ICAM5: variants seen among roughly 807,000 people sequenced by gnomAD.
ICAM5 encodes the protein ICAM-5.
Under a neutral mutation model 78.8 loss-of-function variants are expected in ICAM5, and 38 were observed. That is an observed-to-expected ratio of 0.48 (90% CI 0.37 to 0.63). ICAM5 has a LOEUF of 0.63. Ranked by LOEUF, ICAM5 falls within the 30% of genes least tolerant of loss-of-function variation. The probability of loss-of-function intolerance (pLI) is 0.00; values close to 1 mark genes in which losing one functional copy is unlikely to be tolerated. For synonymous variants in ICAM5, 544 were observed against 590.9 expected (o/e 0.92, Z 1.15); for missense variants, 1,059 against 1,303.0 (o/e 0.81, Z 2.88).
Position 10,296,622 on chromosome 19 carries a change from C to T in ICAM5, c.*6C>T. 8.3e-7 allele frequency: 1 copy of T among 1,210,166 alleles called. No individual in the cohort carries two copies. Among genetic ancestry groups the T allele is most frequent in the Non-Finnish European group, 1.0e-6 (1 of 970,338 alleles). 75.0% of individuals were successfully genotyped at this position (1,210,166 alleles called of 1,614,324 possible). A position where few individuals can be genotyped will look rare whatever the true frequency, so the allele number is the denominator to read the frequency against. ...TACAGCTGACATCGGCGTGAGCCCG[C>T]TCCCCTCTCCCCGCGGGCCGGGGGA... On this transcript the variant is annotated 3_prime_UTR_variant, in exon 11 of 11. Coordinates refer to ENST00000221980, the MANE Select transcript of ICAM5 (RefSeq NM_003259.4).
At chr19:10,292,412 G>A (rs1599279224) in intron 4 of ICAM5, 90 bp downstream of exon 4, 4 of 1,438,948 alleles carry the variant, frequency 2.8e-6, no homozygotes, top group Admixed American at 2.1e-5. Flanking sequence ...CTCAGTACCG[G>A]AACAGGCGTG....
chr19:10,292,655 C>G lies in ICAM5; in HGVS notation c.1005C>G (p.Ser335=). The change falls in exon 5 of 11, where the codon TCC becomes TCG. Residue 335 remains serine, a synonymous_variant. Transcript: ENST00000221980. ...PLLTLSEPSV[S]EGQMVTVTCA... is the part of the protein sequence containing the mutation. ...TGACCCTGAGCGAACCCAGCGTCTCCGAGGGGCAGATGGTGACAGTAACCT... is the reference window on the plus strand; with the variant it reads ...TGACCCTGAGCGAACCCAGCGTCTCGGAGGGGCAGATGGTGACAGTAACCT... 1 of 1,600,832 alleles carries G rather than the reference C, an allele frequency of 6.2e-7. No individual in the cohort carries two copies.
chr19:10,294,706 G>A lies in ICAM5; in HGVS notation c.2230+66G>A, dbSNP rs2040206820. 1.9e-6 allele frequency: 3 copies of A among 1,599,430 alleles called. No individual in the cohort carries two copies. The highest frequency in any genetic ancestry group is 1.7e-6 in the Non-Finnish European group (2 of 1,174,048). ...GGAAGAATGACTCGCAGCGGTGGGA[G>A]CATTCAAGGGCACCTCTCCCAATCC... On this transcript the variant is annotated intron_variant, in intron 9 of 10. Coordinates refer to ENST00000221980, the MANE Select transcript of ICAM5 (RefSeq NM_003259.4). This position sits in a 1 kb window ranked among gnomAD's most constrained non-coding sequence, Gnocchi z 7.7.
Position 10,294,127 on chromosome 19 carries a change from G to A in ICAM5, c.1799G>A (p.Gly600Glu), listed in dbSNP as rs1281313767. ...SGRLFSCEVD[G>E]KPQPSVKCVG... ...CGCCTGTTTTCCTGTGAGGTCGATG[G>A]GAAGCCACAGCCAAGCGTGAAGTGC... The change falls in exon 8 of 11, where the codon GGG becomes GAG. Residue 600 changes from glycine (G) to glutamate (E), a missense_variant. Gly to Glu is a moderately conservative substitution (Grantham distance 98, BLOSUM62 -2). Around this residue, in one of 3 missense-constraint regions of ICAM5, gnomAD observed 815 missense variants for 952.8 expected, o/e 0.86. Transcript: ENST00000221980. The surrounding 1 kb of genome is among the most constrained non-coding windows in gnomAD (Gnocchi z 7.7). 6.2e-7 allele frequency: 1 copy of A among 1,604,930 alleles called. No individual in the cohort carries two copies. Among genetic ancestry groups the A allele is most frequent in the Non-Finnish European group, 8.5e-7 (1 of 1,176,712 alleles).
chr19:10,291,031 G>T (rs555553140), intron 1 of ICAM5, 41 bp from the exon 2 acceptor site: 1 of 1,571,886 alleles, frequency 6.4e-7, no homozygotes, highest in African/African-American at 1.3e-5. Flanking sequence ...AAGATGTCAG[G>T]GAGTTGGCTC....
In ICAM5 at chr19:10,290,494, A is replaced by C; in HGVS notation, c.82+369A>C. The C allele has an allele frequency of 4.3e-6, 1 of 230,042 alleles. No individual in the cohort carries two copies. Among genetic ancestry groups the C allele is most frequent in the Non-Finnish European group, 8.5e-6 (1 of 118,072 alleles). The allele number at this position is 230,042 out of a possible 1,614,324, so 14.3% of individuals were successfully genotyped here. On this transcript the variant is annotated intron_variant, in intron 1 of 10. Transcript: ENST00000221980. The surrounding 1 kb of genome is among the most constrained non-coding windows in gnomAD (Gnocchi z 5.7). ...CCGCGAAGACTCCATCTCTCCAACT[A>C]CCCTGACTCAGAGGCGCTGTTCCCG...
At chr19:10,292,572 G>A (rs1343686914) in intron 4 of ICAM5, 40 bp from the exon 5 acceptor site, 3 of 1,523,790 alleles carry the variant, frequency 2.0e-6, no homozygotes, top group African/African-American at 2.8e-5. Context: ...CGGAGGGAGG[G>A]GTATGGTCAG....
Position 10,296,570 on chromosome 19 carries a change from C to CGCCG in ICAM5, c.2732_2735dup (p.Glu913GlyfsTer63). 1.6e-6 allele frequency: 2 copies of CGCCG among 1,219,144 alleles called. No individual in the cohort carries two copies. Among genetic ancestry groups the CGCCG allele is most frequent in the Non-Finnish European group, 1.0e-6 (1 of 972,642 alleles). 75.5% of individuals were successfully genotyped at this position (1,219,144 alleles called of 1,614,324 possible). On this transcript the variant is annotated frameshift_variant, in exon 11 of 11. Coordinates refer to ENST00000221980, the MANE Select transcript of ICAM5 (RefSeq NM_003259.4). LOFTEE classifies it high-confidence loss of function. The stretch of plus-strand genomic sequence containing the variant: ...GAGGCGGCGGGGGGCGCGGCCGAGT[C>CGCCG]GCCGGCGGAGGGCGAGGTCTTCGCC...
chr19:10,290,999 C>A lies in ICAM5; in HGVS notation c.83-73C>A. 2.0e-6 allele frequency: 3 copies of A among 1,500,772 alleles called. No homozygotes were observed. Among genetic ancestry groups the A allele is most frequent in the Non-Finnish European group, 2.7e-6 (3 of 1,117,610 alleles). The allele number at this position is 1,500,772 out of a possible 1,614,324, so 93.0% of individuals were successfully genotyped here. ...TCCTCCTCCCCGCCCTCTGAGAACC[C>A]TTGACTCGACATAGGGGCGCTAAGA... On this transcript the variant is annotated intron_variant, in intron 1 of 10. Coordinates refer to ENST00000221980, the MANE Select transcript of ICAM5 (RefSeq NM_003259.4). This position sits in a 1 kb window ranked among gnomAD's most constrained non-coding sequence, Gnocchi z 5.7.
chr19:10,291,135 G>A lies in ICAM5; in HGVS notation c.146G>A (p.Gly49Asp). ...CGCGTGGCGTTCGTGGAGCGCGGGG[G>A]CTCGCTGTGGCTGAATTGCAGCACC... is the stretch of plus-strand genomic sequence containing the variant. ...QPRVAFVERG[G>D]SLWLNCSTNC... The change falls in exon 2 of 11, where the codon GGC becomes GAC. Residue 49 changes from glycine to aspartate, a missense_variant. Transcript: ENST00000221980. 6.2e-7 allele frequency: 1 copy of A among 1,612,206 alleles called. No homozygotes were observed. The highest frequency in any genetic ancestry group is 8.5e-7 in the Non-Finnish European group (1 of 1,179,736).
At chr19:10,295,732 C>T in intron 10 of ICAM5, 120 bp downstream of exon 10, 2 of 1,199,912 alleles carry the variant, frequency 1.7e-6, no homozygotes, top group Non-Finnish European at 2.3e-6. Context: ...GGAAGTGGGA[C>T]AGAGTAGAAG....
chr19:10,294,236 A>G lies in ICAM5; in HGVS notation c.1908A>G (p.Arg636=). 1 of 1,613,916 alleles carries G rather than the reference A, an allele frequency of 6.2e-7. No individual in the cohort carries two copies. The highest frequency in any genetic ancestry group is 8.5e-7 in the Non-Finnish European group (1 of 1,179,990). ...DPSPRAPRIP[R]VLAPGIYVCN... is the part of the protein sequence containing the mutation. ...GTCCCAGAGCTCCCAGAATCCCTAGAGTCCTGGCACCCGGTATCTACGTCT... is the reference window on the plus strand; with the variant it reads ...GTCCCAGAGCTCCCAGAATCCCTAGGGTCCTGGCACCCGGTATCTACGTCT... The change falls in exon 8 of 11, where the codon AGA becomes AGG. Residue 636 remains arginine (R), a synonymous_variant. Coordinates refer to ENST00000221980, the MANE Select transcript of ICAM5 (RefSeq NM_003259.4). The surrounding 1 kb of genome is among the most constrained non-coding windows in gnomAD (Gnocchi z 7.7).
Position 10,293,029 on chromosome 19 carries a change from C to G in ICAM5, c.1248C>G (p.Pro416=), listed in dbSNP as rs1296969420. 2 of 1,610,910 alleles carry G rather than the reference C, an allele frequency of 1.2e-6. No homozygotes were observed. The highest frequency in any genetic ancestry group is 1.7e-5 in the Admixed American group (1 of 60,008). The part of the protein sequence containing the change: ...YAPRLDDSDC[P]RSWTWPEGPE... The stretch of plus-strand genomic sequence containing the variant: ...CCCGGCTAGACGATTCGGACTGCCC[C>G]AGGAGTTGGACGTGGCCCGAGGGCC... The change falls in exon 6 of 11, where the codon CCC becomes CCG. Residue 416 remains proline (P), a synonymous_variant. Coordinates refer to ENST00000221980, the MANE Select transcript of ICAM5 (RefSeq NM_003259.4). The surrounding 1 kb of genome is among the most constrained non-coding windows in gnomAD (Gnocchi z 5.0).
At position 10,291,613 on chromosome 19, in the gene ICAM5, G is replaced by A. The variant is rs909337948; in HGVS notation, c.477G>A (p.Arg159=). ...PRASLTLTLL[R]GAQELIRRSF... ...CGAGCCTCACGCTGACCCTGCTGCG[G>A]GGCGCCCAGGAGCTGATCCGCCGCA... The change falls in exon 3 of 11, where the codon CGG becomes CGA. Residue 159 remains arginine, a synonymous_variant. Coordinates refer to ENST00000221980, the MANE Select transcript of ICAM5 (RefSeq NM_003259.4). 3.7e-6 allele frequency: 6 copies of A among 1,611,736 alleles called. No individual in the cohort carries two copies. In the Admixed American group the frequency reaches 8.3e-5, roughly 22 times the overall value.
At position 10,293,261 on chromosome 19, in the gene ICAM5, G is replaced by T; in HGVS notation, c.1465+15G>T. 1 of 1,563,902 alleles carries T rather than the reference G, an allele frequency of 6.4e-7. No individual in the cohort carries two copies. The highest frequency in any genetic ancestry group is 8.7e-7 in the Non-Finnish European group (1 of 1,153,562). On this transcript the variant is annotated intron_variant, in intron 6 of 10. Coordinates refer to ENST00000221980, the MANE Select transcript of ICAM5 (RefSeq NM_003259.4). This position sits in a 1 kb window ranked among gnomAD's most constrained non-coding sequence, Gnocchi z 5.0. ...AACGGTGGAGTGTGAGTGGGGGTGC[G>T]CAGGGTGCATTTCTATCTGGTTCAA...
chr19:10,293,647 C>T lies in ICAM5; in HGVS notation c.1466-51C>T. ...TGCCGCGCCAAGGAGGGTCTAGGGA[C>T]GTCAGATTTGCCCCCAAACCCCAAA... On this transcript the variant is annotated intron_variant, in intron 6 of 10. Coordinates refer to ENST00000221980, the MANE Select transcript of ICAM5 (RefSeq NM_003259.4). The surrounding 1 kb of genome is among the most constrained non-coding windows in gnomAD (Gnocchi z 5.0). 6.3e-7 allele frequency: 1 copy of T among 1,593,626 alleles called. No individual in the cohort carries two copies. Among genetic ancestry groups the T allele is most frequent in the African/African-American group, 1.3e-5 (1 of 74,708 alleles).
In ICAM5 at chr19:10,292,578, G is replaced by A. The variant is rs375116134; in HGVS notation, c.962-34G>A. On this transcript the variant is annotated intron_variant, in intron 4 of 10. Transcript: ENST00000221980. ...GGCCTTGACCGGAGGGAGGGGTATGGTCAGTATACTACGACCAAATGCTCC... is the reference window on the plus strand; with the variant it reads ...GGCCTTGACCGGAGGGAGGGGTATGATCAGTATACTACGACCAAATGCTCC... The A allele has an allele frequency of 3.0e-5, 46 of 1,536,256 alleles. No homozygotes were observed. In the African/African-American group the frequency reaches 5.4e-4, roughly 18 times the overall value.
chr19:10,293,040 C>T lies in ICAM5; in HGVS notation c.1259C>T (p.Thr420Met). The T allele has an allele frequency of 1.9e-6, 3 of 1,610,828 alleles. No homozygotes were observed. Among genetic ancestry groups the T allele is most frequent in the Non-Finnish European group, 2.5e-6 (3 of 1,179,982 alleles). Residue 420 changes from threonine (T) to methionine (M), a missense_variant, in exon 6 of 11, where the codon ACG (threonine) becomes ATG (methionine). By Grantham distance (81) the Thr-to-Met change is moderately conservative (BLOSUM62 -1). Transcript: ENST00000221980. This position sits in a 1 kb window ranked among gnomAD's most constrained non-coding sequence, Gnocchi z 5.0. ...LDDSDCPRSW[T>M]WPEGPEQTLR... ...GATTCGGACTGCCCCAGGAGTTGGA[C>T]GTGGCCCGAGGGCCCAGAGCAGACG...
In ICAM5 at chr19:10,291,310, A is replaced by G; in HGVS notation, c.321A>G (p.Thr107=). 1 of 1,610,264 alleles carries G rather than the reference A, an allele frequency of 6.2e-7. No homozygotes were observed. The highest frequency in any genetic ancestry group is 1.7e-4 in the Middle Eastern group (1 of 6,052). ...GCTTCTTCCGCTGCGCGCGGCGCAC[A>G]CTACAGGCGCGTGGGCTCATTCGCA... The part of the protein sequence containing the change: ...PVCFFRCARR[T]LQARGLIRTF... The change falls in exon 2 of 11, where the codon ACA becomes ACG. Residue 107 remains threonine, a synonymous_variant. Transcript: ENST00000221980.
Sources: allele counts gnomAD v4.1 joint callset, GRCh38; gene constraint gnomAD v4.1.1; regional missense constraint gnomAD v4.1.1; non-coding constraint Gnocchi (gnomAD v3.1); transcripts MANE v1.5; gene names NCBI Gene and HGNC (gene_info 2026-07-23, HGNC 2026-07-21).